Variants in CTNNA2 observed in about 807,000 individuals in gnomAD.
CTNNA2 encodes catenin alpha 2, also known as catenin alpha-2.
In CTNNA2, 42 loss-of-function variants were observed where a neutral mutation model predicts 101.0. That is an observed-to-expected ratio of 0.42 (90% CI 0.32 to 0.54). CTNNA2 has a LOEUF of 0.54. Ranked by LOEUF, CTNNA2 falls within the 20% of genes least tolerant of loss-of-function variation. The pLI, the probability that CTNNA2 is intolerant of heterozygous loss-of-function variation, is 0.14. For missense variants in CTNNA2, 871 were observed against 1,223.1 expected, an observed-to-expected ratio of 0.71 and a Z score of 4.29; for synonymous variants, 450 against 456.4, an observed-to-expected ratio of 0.99 and a Z score of 0.18.
chr2:79,195,544 C>A (rs149538869), intron 1 of CTNNA2, among the ~76,000 whole-genome samples: 4 of 152,142 alleles, frequency 2.6e-5, no homozygotes, highest in Non-Finnish European at 5.9e-5. Context: ...GTCCTACTAA[C>A]CAAAAGAAAT....
chr2:80,249,945 A>G (rs1349142429), intron 7 of CTNNA2, among the ~76,000 whole-genome samples: 1 of 151,640 alleles, frequency 6.6e-6, no homozygotes, highest in Non-Finnish European at 1.5e-5. Context: ...TTCTTTTTCT[A>G]TTATTTTCTG....
chr2:80,610,504 ATCT>A (rs1434661594), intron 17 of CTNNA2, among the ~76,000 whole-genome samples: 1 of 151,594 alleles, frequency 6.6e-6, no homozygotes, highest in Non-Finnish European at 1.5e-5. Context: ...AAATACTTAA[ATCT>A]TCTTTCTTTT....
chr2:80,239,396 G>C (rs538041162), intron 7 of CTNNA2, among the ~76,000 whole-genome samples: 1 of 152,252 alleles, frequency 6.6e-6, no homozygotes, highest in South Asian at 2.1e-4. Flanking sequence ...GTTTGTGATT[G>C]TATGTAGTGT....
In CTNNA2 at chr2:79,194,147, A is replaced by G. The variant is rs528711234; in HGVS notation, c.-523-3812A>G. On this transcript the variant is annotated intron_variant, in intron 1 of 21. Transcript: ENST00000466387. Reference sequence around the variant, plus strand: ...CTTCATAAGCTTAATTTCAAAAGATAGCCTGTCATCTCTAGTGTTTATTCA... The same window carrying G: ...CTTCATAAGCTTAATTTCAAAAGATGGCCTGTCATCTCTAGTGTTTATTCA... Among the ~76,000 whole-genome samples the G allele has an allele frequency of 3.9e-5, 6 of 152,324 alleles. No individual in the cohort carries two copies. In the South Asian group the frequency reaches 1.2e-3, roughly 32 times the overall value.
chr2:79,870,948 A>G (rs1189498993), intron 5 of CTNNA2, among the ~76,000 whole-genome samples: 1 of 152,202 alleles, frequency 6.6e-6, no homozygotes, highest in African/African-American at 2.4e-5. Flanking sequence ...AAACCATATC[A>G]GCCTCCTTTT....
At chr2:79,877,367 A>G (rs557617546) in intron 6 of CTNNA2, among the ~76,000 whole-genome samples, 246 of 152,326 alleles carry the variant, frequency 1.6e-3, no homozygotes, top group Middle Eastern at 3.4e-3. Context: ...TTGAATTTAC[A>G]GACTGTAATG....
chr2:80,001,580 T>C (rs1692950205), intron 7 of CTNNA2, among the ~76,000 whole-genome samples: 4 of 152,186 alleles, frequency 2.6e-5, no homozygotes, highest in Admixed American at 2.0e-4. Context: ...GTCTAATAAT[T>C]GGCAGAGATA....
chr2:80,524,904 A>G (rs541211160), intron 9 of CTNNA2, among the ~76,000 whole-genome samples: 8 of 152,088 alleles, frequency 5.3e-5, no homozygotes, highest in East Asian at 1.9e-4. Context: ...ATCTCATTAG[A>G]TGTCTCCCCC....
At chr2:79,190,809 A>G (rs902854847) in intron 1 of CTNNA2, among the ~76,000 whole-genome samples, 2 of 152,276 alleles carry the variant, frequency 1.3e-5, no homozygotes, top group Non-Finnish European at 2.9e-5. Context: ...TTTTTGTCGC[A>G]AGTAAGAGAA....
intron 7 of CTNNA2, among the ~76,000 whole-genome samples, chr2:80,152,894 A>C (rs140639748): frequency 6.6e-6 from 1 of 152,300 alleles, no homozygotes; most frequent in African/African-American, 2.4e-5. Flanking sequence ...AACCCAAAAT[A>C]ACTGGATTTA....
chr2:80,286,959 CT>C (rs1205387554), intron 7 of CTNNA2, among the ~76,000 whole-genome samples: 1 of 152,136 alleles, frequency 6.6e-6, no homozygotes, highest in African/African-American at 2.4e-5. Context: ...TAGTTGTCCC[CT>C]GACCATAAAT....
intron 7 of CTNNA2, among the ~76,000 whole-genome samples, chr2:80,343,242 A>G (rs1017263182): frequency 1.3e-5 from 2 of 152,146 alleles, no homozygotes; most frequent in Non-Finnish European, 2.9e-5. Flanking sequence ...TAGGGCTTAT[A>G]ATTTTTTAAT....
At chr2:79,736,817 G>C (rs1245273248) in intron 2 of CTNNA2, among the ~76,000 whole-genome samples, 1 of 152,116 alleles carries the variant, frequency 6.6e-6, no homozygotes, top group Non-Finnish European at 1.5e-5. Context: ...CAAGTCTTTA[G>C]GCATCTAGCA....
chr2:79,642,327 A>G (rs1311077280), intron 1 of CTNNA2, among the ~76,000 whole-genome samples: 1 of 152,162 alleles, frequency 6.6e-6, no homozygotes, highest in Non-Finnish European at 1.5e-5. Flanking sequence ...AGATACCCGC[A>G]CCCCACCCTG....
chr2:80,554,533 T>G (rs373847571), intron 11 of CTNNA2, among the ~76,000 whole-genome samples: 1 of 152,286 alleles, frequency 6.6e-6, no homozygotes, highest in African/African-American at 2.4e-5. Context: ...TGCTTTCTCA[T>G]AGTCTTCTCA....
intron 2 of CTNNA2, among the ~76,000 whole-genome samples, chr2:79,288,099 C>T (rs1466381213): frequency 6.6e-6 from 1 of 152,216 alleles, no homozygotes; most frequent in African/African-American, 2.4e-5. Context: ...CCTCGCCCTG[C>T]TTCACCTCGC....
chr2:79,683,460 G>A (rs1255728150), intron 2 of CTNNA2, among the ~76,000 whole-genome samples: 1 of 152,190 alleles, frequency 6.6e-6, no homozygotes, highest in Non-Finnish European at 1.5e-5. Flanking sequence ...CTTGATGTAA[G>A]CACCAAAACA....
intron 3 of CTNNA2, among the ~76,000 whole-genome samples, chr2:79,812,398 G>A (rs889574780): frequency 9.2e-5 from 14 of 152,038 alleles, no homozygotes; most frequent in African/African-American, 3.1e-4. Context: ...ATTGGGTTTA[G>A]GAAATCTCCT....
chr2:80,597,161 G>T (rs565563357), intron 15 of CTNNA2, among the ~76,000 whole-genome samples: 12 of 151,816 alleles, frequency 7.9e-5, no homozygotes, highest in Non-Finnish European at 1.2e-4. Context: ...TATTGGCCTC[G>T]ACAACCATCT....
Sources: gnomAD v4.1 joint callset for allele counts (sites outside exome capture counted in the v4.1 genomes callset) on GRCh38, gnomAD v4.1.1 for gene constraint, MANE v1.5 for transcripts, NCBI Gene and HGNC (gene_info 2026-07-23, HGNC 2026-07-21) for gene names.